REV3L: variants seen among roughly 807,000 people sequenced by gnomAD.
REV3L encodes the protein REV3 like, DNA directed polymerase zeta catalytic subunit, also known as DNA polymerase zeta catalytic subunit.
In REV3L, 69 loss-of-function variants were observed where a neutral mutation model predicts 299.4. That is an observed-to-expected ratio of 0.23 (90% CI 0.19 to 0.28). The LOEUF (loss-of-function observed/expected upper bound fraction) is 0.28. Among genes scored for constraint, REV3L ranks in the 10% least tolerant of loss-of-function variants. The pLI is 1.00. For missense variants in REV3L, 3,128 were observed against 3,693.8 expected, an observed-to-expected ratio of 0.85 and a Z score of 3.97; for synonymous variants, 1,238 against 1,271.4, an observed-to-expected ratio of 0.97 and a Z score of 0.56.
intron 21 of REV3L, among the ~76,000 whole-genome samples, chr6:111,341,836 A>G (rs1467577940): frequency 1.3e-5 from 2 of 152,136 alleles, no homozygotes; most frequent in Non-Finnish European, 2.9e-5. Flanking sequence ...ATGAAACCAC[A>G]TGAGGCTGAA....
chr6:111,350,063 T>C (rs17511160), intron 19 of REV3L, among the ~76,000 whole-genome samples: 5 of 152,250 alleles, frequency 3.3e-5, no homozygotes, highest in Non-Finnish European at 7.3e-5. Context: ...ATTTACCATA[T>C]TGAAGGTTTA....
chr6:111,471,653 G>A (rs1792230528), intron 1 of REV3L, among the ~76,000 whole-genome samples: 1 of 152,172 alleles, frequency 6.6e-6, no homozygotes, highest in African/African-American at 2.4e-5. Context: ...TCACTTTACA[G>A]AGGAGGAAAT....
intron 31 of REV3L, among the ~76,000 whole-genome samples, chr6:111,303,165 C>CTTTCTTTTTTTTTTTTTTTT (rs4038141): frequency 1.4e-4 from 13 of 92,338 alleles, no homozygotes; most frequent in Non-Finnish European, 2.1e-4. Flanking sequence ...TCTTTTCTTT[C>CTTTCTTTTTTTTTTTTTTTT]TTTTTTTTTT....
Position 111,377,650 on chromosome 6 carries a change from C to T in REV3L, c.1597+51G>A, listed in dbSNP as rs778769203. On this transcript the variant is annotated intron_variant, in intron 12 of 31. Transcript: ENST00000368802. ...GAGCGCCTAGCCTCAAAATCAAATA[C>T]ATTTTTAGATCGTGAATAACCAATT... is the stretch of plus-strand genomic sequence containing the variant. 6.4e-6 allele frequency: 10 copies of T among 1,563,920 alleles called. No individual in the cohort carries two copies. The African/African-American group carries it at 1.4e-4, about 21-fold the overall frequency.
chr6:111,381,059 T>C (rs1165539222), intron 10 of REV3L, among the ~76,000 whole-genome samples: 1 of 152,260 alleles, frequency 6.6e-6, no homozygotes, highest in East Asian at 1.9e-4. Flanking sequence ...TCAAAATAAA[T>C]GCATTTTCCT....
chr6:111,377,528 G>T (rs1195079474), intron 12 of REV3L, among the ~76,000 whole-genome samples, 173 bp downstream of exon 12: 1 of 151,918 alleles, frequency 6.6e-6, no homozygotes, highest in East Asian at 1.9e-4. Flanking sequence ...TAGAGACGGG[G>T]GTCCCACTAC....
intron 25 of REV3L, among the ~76,000 whole-genome samples, chr6:111,326,654 C>T (rs117326910): frequency 0.02 from 2,994 of 151,722 alleles, 49 homozygotes; most frequent in Non-Finnish European, 0.031. Flanking sequence ...TTGATATCTG[C>T]ACTCCCATAT....
At chr6:111,390,226 ACTTT>A (rs767952530) in intron 5 of REV3L, 46 bp from the exon 6 acceptor site, 1 of 1,163,890 alleles carries the variant, frequency 8.6e-7, no homozygotes, top group Admixed American at 1.8e-5. Flanking sequence ...GTGAGAGCAA[ACTTT>A]CTAACATTTT....
At chr6:111,391,866 A>G (rs1781968027) in intron 5 of REV3L, among the ~76,000 whole-genome samples, 1 of 152,200 alleles carries the variant, frequency 6.6e-6, no homozygotes, top group Non-Finnish European at 1.5e-5. Context: ...TTGCACACCT[A>G]TAGTCCTAGA....
At chr6:111,409,795 G>A (rs577832647) in intron 3 of REV3L, among the ~76,000 whole-genome samples, 1 of 152,200 alleles carries the variant, frequency 6.6e-6, no homozygotes, top group East Asian at 1.9e-4. Flanking sequence ...TTTTTATTCT[G>A]CAGTAATCAG....
At chr6:111,408,037 A>G (rs556470623) in intron 3 of REV3L, among the ~76,000 whole-genome samples, 1 of 152,310 alleles carries the variant, frequency 6.6e-6, no homozygotes, top group Admixed American at 6.5e-5. Flanking sequence ...TTCTATGAGT[A>G]TGAATGTGTG....
chr6:111,432,488 T>A (rs1207703954), intron 1 of REV3L, among the ~76,000 whole-genome samples: 1 of 152,174 alleles, frequency 6.6e-6, no homozygotes, highest in Admixed American at 6.5e-5. Flanking sequence ...AAAGGGTCAA[T>A]TCAGCAAGAG....
intron 1 of REV3L, among the ~76,000 whole-genome samples, chr6:111,454,334 C>CA (rs1789919947): frequency 6.6e-6 from 1 of 151,722 alleles, no homozygotes; most frequent in South Asian, 2.1e-4. Context: ...CTACAGAAAA[C>CA]AAAGCTGAGT....
chr6:111,404,619 T>C (rs927012676), intron 4 of REV3L, among the ~76,000 whole-genome samples: 1 of 152,230 alleles, frequency 6.6e-6, no homozygotes, highest in Admixed American at 6.5e-5. Context: ...CTCTGGTCTG[T>C]AACTTTCCAT....
intron 26 of REV3L, among the ~76,000 whole-genome samples, chr6:111,320,539 G>A (rs910136067): frequency 6.6e-6 from 1 of 152,128 alleles, no homozygotes; most frequent in Non-Finnish European, 1.5e-5. Flanking sequence ...GGGCACTGTG[G>A]GGCCAAAAAC....
At chr6:111,303,470 G>C (rs571120393) in intron 31 of REV3L, among the ~76,000 whole-genome samples, 1 of 151,574 alleles carries the variant, frequency 6.6e-6, no homozygotes, top group Admixed American at 6.6e-5. Flanking sequence ...TGGCTCAAGC[G>C]ATTGTCCTAC....
chr6:111,387,536 A>G (rs1781465100), intron 9 of REV3L, among the ~76,000 whole-genome samples: 1 of 152,224 alleles, frequency 6.6e-6, no homozygotes, highest in Non-Finnish European at 1.5e-5. Flanking sequence ...TGGTGGGCAA[A>G]CATTATAAGA....
At chr6:111,473,952 C>T (rs556880271) in intron 1 of REV3L, among the ~76,000 whole-genome samples, 4 of 152,214 alleles carry the variant, frequency 2.6e-5, no homozygotes, top group African/African-American at 9.6e-5. Flanking sequence ...TAGAATGATG[C>T]TTCTCAACCC....
At chr6:111,473,886 C>A (rs553079021) in intron 1 of REV3L, among the ~76,000 whole-genome samples, 59 of 152,192 alleles carry the variant, frequency 3.9e-4, no homozygotes, top group African/African-American at 1.4e-3. Context: ...CTGGACAAAT[C>A]CCTGAGCCTG....
Sources: allele counts gnomAD v4.1 joint callset (sites outside exome capture counted in the v4.1 genomes callset), GRCh38; gene constraint gnomAD v4.1.1; transcripts MANE v1.5; gene names NCBI Gene and HGNC (gene_info 2026-07-23, HGNC 2026-07-21).